Variants in BABAM2 observed in about 807,000 individuals in gnomAD.
BABAM2 encodes the protein BRISC and BRCA1-A complex member 2.
BABAM2 carries 31 observed loss-of-function variants against 54.7 expected under a neutral mutation model. That is an observed-to-expected ratio of 0.57 (90% CI 0.43 to 0.77). The LOEUF (loss-of-function observed/expected upper bound fraction) is 0.77, where lower values mean the gene tolerates loss of function less well. BABAM2 is among the 30% of genes least tolerant of loss of function. BABAM2 has a pLI of 0.00. For synonymous variants in BABAM2, 167 were observed against 162.9 expected, an observed-to-expected ratio of 1.03 and a Z score of -0.19; for missense variants, 364 against 455.8, an observed-to-expected ratio of 0.80 and a Z score of 1.83.
chr2:28,042,014 C>T (rs1439966328), intron 5 of BABAM2, among the ~76,000 whole-genome samples: 1 of 151,882 alleles, frequency 6.6e-6, no homozygotes. Context: ...GTCCAAAAGT[C>T]AATATTTTGA....
chr2:27,903,478 A>G (rs1026660382), intron 2 of BABAM2, among the ~76,000 whole-genome samples: 4 of 152,230 alleles, frequency 2.6e-5, no homozygotes, highest in African/African-American at 9.6e-5. Context: ...AAGAGAGATT[A>G]CCCTGATGAG....
At chr2:28,084,317 G>C (rs1030531644) in intron 6 of BABAM2, among the ~76,000 whole-genome samples, 4 of 152,174 alleles carry the variant, frequency 2.6e-5, no homozygotes, top group Non-Finnish European at 5.9e-5. Flanking sequence ...GTGTCGTTTG[G>C]TGAGGCAGTG....
intron 5 of BABAM2, among the ~76,000 whole-genome samples, chr2:28,036,692 A>G (rs1040941894): frequency 1.3e-5 from 2 of 152,206 alleles, no homozygotes; most frequent in African/African-American, 4.8e-5. Flanking sequence ...AACTGAGGCC[A>G]TGCTATGTTT....
At chr2:28,128,233 A>G (rs1338374704) in intron 6 of BABAM2, among the ~76,000 whole-genome samples, 1 of 152,208 alleles carries the variant, frequency 6.6e-6, no homozygotes, top group African/African-American at 2.4e-5. Context: ...ACCAGTCTCT[A>G]TGAGTGAAAG....
At chr2:28,266,142 G>A (rs1019646525) in intron 10 of BABAM2, among the ~76,000 whole-genome samples, 1 of 151,994 alleles carries the variant, frequency 6.6e-6, no homozygotes, top group Non-Finnish European at 1.5e-5. Flanking sequence ...ACACCACCAC[G>A]CTCGGCTAAG....
At chr2:28,079,566 T>G (rs193145243) in intron 6 of BABAM2, among the ~76,000 whole-genome samples, 3 of 152,186 alleles carry the variant, frequency 2.0e-5, no homozygotes, top group Non-Finnish European at 2.9e-5. Flanking sequence ...GCATATTATT[T>G]CACTGTTCAA....
intron 2 of BABAM2, among the ~76,000 whole-genome samples, chr2:27,925,511 C>T (rs924130984): frequency 1.3e-5 from 2 of 152,176 alleles, no homozygotes; most frequent in Admixed American, 1.3e-4. Context: ...ACTGAGAAAC[C>T]TGGTGAGACC....
At chr2:28,132,412 A>G (rs1670168045) in intron 7 of BABAM2, among the ~76,000 whole-genome samples, 1 of 152,076 alleles carries the variant, frequency 6.6e-6, no homozygotes, top group South Asian at 2.1e-4. Flanking sequence ...TGCTGAGATT[A>G]CAGGCGTGAG....
At chr2:28,210,996 A>G (rs534848656) in intron 7 of BABAM2, among the ~76,000 whole-genome samples, 6 of 152,256 alleles carry the variant, frequency 3.9e-5, no homozygotes, top group Non-Finnish European at 8.8e-5. Flanking sequence ...AGACAATTCA[A>G]ATATTTGAAA....
At chr2:28,187,401 C>G (rs1202277413) in intron 7 of BABAM2, among the ~76,000 whole-genome samples, 1 of 152,184 alleles carries the variant, frequency 6.6e-6, no homozygotes, top group Non-Finnish European at 1.5e-5. Context: ...ATCCACAGAA[C>G]TGTGACTTGA....
At chr2:28,167,729 T>A (rs1673865090) in intron 7 of BABAM2, among the ~76,000 whole-genome samples, 1 of 151,392 alleles carries the variant, frequency 6.6e-6, no homozygotes, top group Non-Finnish European at 1.5e-5. Context: ...AATAAATAAA[T>A]AAATAAATAA....
chr2:28,022,011 A>G (rs1675306777), intron 4 of BABAM2, among the ~76,000 whole-genome samples: 1 of 152,206 alleles, frequency 6.6e-6, no homozygotes, highest in Non-Finnish European at 1.5e-5. Context: ...AGGCCTTGAA[A>G]CTACTATTCC....
At chr2:27,891,521 A>G (rs531836627) in intron 1 of BABAM2, among the ~76,000 whole-genome samples, 2 of 152,310 alleles carry the variant, frequency 1.3e-5, no homozygotes, top group South Asian at 4.1e-4. Context: ...AGTAGTATTC[A>G]GGGGACTCTG....
chr2:28,068,230 AATT>A, intron 6 of BABAM2, among the ~76,000 whole-genome samples: 1 of 152,224 alleles, frequency 6.6e-6, no homozygotes, highest in Admixed American at 6.5e-5. Context: ...AATAGCCTGC[AATT>A]ATTTTTATGG....
At chr2:28,336,146 G>A (rs1159817796) in intron 11 of BABAM2, among the ~76,000 whole-genome samples, 2 of 152,142 alleles carry the variant, frequency 1.3e-5, no homozygotes, top group Non-Finnish European at 2.9e-5. Context: ...GGCAAAGGAG[G>A]CCTCATGTCC....
intron 5 of BABAM2, among the ~76,000 whole-genome samples, chr2:28,043,744 A>G (rs1553418475): frequency 6.6e-6 from 1 of 152,184 alleles, no homozygotes; most frequent in Non-Finnish European, 1.5e-5. Context: ...ACCTTTTGGT[A>G]ATCTTGGACT....
intron 3 of BABAM2, among the ~76,000 whole-genome samples, chr2:27,941,555 C>CAA (rs1213873898): frequency 2.5e-5 from 3 of 118,296 alleles, no homozygotes; most frequent in African/African-American, 6.3e-5. Context: ...GACTCCGTCT[C>CAA]AAAAAAAAAA....
intron 6 of BABAM2, among the ~76,000 whole-genome samples, chr2:28,123,664 G>A (rs1669264303): frequency 6.6e-6 from 1 of 152,176 alleles, no homozygotes. Flanking sequence ...AAACAGCACT[G>A]TGTGGATTTG....
chr2:28,218,120 A>T (rs1680078903), intron 7 of BABAM2, among the ~76,000 whole-genome samples: 1 of 152,128 alleles, frequency 6.6e-6, no homozygotes, highest in South Asian at 2.1e-4. Flanking sequence ...ATGTACTTAC[A>T]TTTTTGTATC....
Sources: allele counts gnomAD v4.1 joint callset (sites outside exome capture counted in the v4.1 genomes callset), GRCh38; gene constraint gnomAD v4.1.1; transcripts MANE v1.5; gene names NCBI Gene and HGNC (gene_info 2026-07-23, HGNC 2026-07-21).